The following SAMD5 variants were observed in gnomAD, a reference collection of about 807,000 sequenced individuals.
SAMD5 encodes the protein sterile alpha motif domain containing 5.
In SAMD5, 13 loss-of-function variants were observed where a neutral mutation model predicts 11.3. The ratio of observed to expected loss-of-function variants is 1.15; its 90% CI spans 0.75 to 1.83. SAMD5 has a LOEUF of 1.83. Among genes scored for constraint, SAMD5 ranks in the 40% most tolerant of loss-of-function variants. The pLI, the probability that SAMD5 is intolerant of heterozygous loss-of-function variation, is 0.00. For synonymous variants in SAMD5, 129 were observed against 111.3 expected (o/e 1.16, Z -1.00); for missense variants, 255 against 239.1 (o/e 1.07, Z -0.44).
chr6:147,654,355 A>G (rs775984653), intron 1 of SAMD5, among the ~76,000 whole-genome samples: 6 of 152,066 alleles, frequency 3.9e-5, no homozygotes, highest in Non-Finnish European at 8.8e-5. Flanking sequence ...TAAAAGTATG[A>G]ATTTCTCCGC....
chr6:147,722,020 T>A (rs141898130), intron 1 of SAMD5, among the ~76,000 whole-genome samples: 2 of 152,286 alleles, frequency 1.3e-5, no homozygotes, highest in African/African-American at 4.8e-5. Flanking sequence ...AAGAAAAAAA[T>A]ATGCTTGGTA....
the SAMD5 span, among the ~76,000 whole-genome samples, chr6:147,816,019 C>T: frequency 2.0e-5 from 3 of 151,940 alleles, no homozygotes; most frequent in Non-Finnish European, 4.4e-5. Context: ...GTGGCTCACG[C>T]CTGTAATCCC....
intron 1 of SAMD5, among the ~76,000 whole-genome samples, chr6:147,619,966 T>A (rs1224548992): frequency 1.3e-5 from 2 of 152,242 alleles, no homozygotes; most frequent in Non-Finnish European, 2.9e-5. Flanking sequence ...TTATGGTTAA[T>A]GACTTAGTGA....
chr6:147,661,868 AT>A (rs1162597840), intron 1 of SAMD5, among the ~76,000 whole-genome samples: 6 of 152,064 alleles, frequency 3.9e-5, no homozygotes, highest in Non-Finnish European at 7.4e-5. Flanking sequence ...TGACCTCATG[AT>A]TTGCCCACCT....
the SAMD5 span, among the ~76,000 whole-genome samples, chr6:147,760,306 G>A: frequency 6.6e-6 from 1 of 152,092 alleles, no homozygotes; most frequent in Non-Finnish European, 1.5e-5. Flanking sequence ...CCTAACAATA[G>A]TTTTGTATGA....
intron 1 of SAMD5, among the ~76,000 whole-genome samples, chr6:147,634,962 G>T (rs1035458333): frequency 2.6e-5 from 4 of 152,104 alleles, no homozygotes; most frequent in Non-Finnish European, 2.9e-5. Flanking sequence ...TTTGCCTGAA[G>T]AAGAAGGCTC....
chr6:147,661,774 C>T (rs929692384), intron 1 of SAMD5, among the ~76,000 whole-genome samples: 1 of 152,212 alleles, frequency 6.6e-6, no homozygotes, highest in East Asian at 1.9e-4. Context: ...AGATTACAGG[C>T]GCCTGCCACC....
chr6:147,586,690 A>T (rs34835938), intron 1 of SAMD5, among the ~76,000 whole-genome samples: 17,284 of 151,578 alleles, frequency 0.11, 1,239 homozygotes, highest in East Asian at 0.29. Flanking sequence ...AATAACAAAA[A>T]GATATAAATA....
At chr6:147,758,759 C>G in the SAMD5 span, among the ~76,000 whole-genome samples, 7 of 152,064 alleles carry the variant, frequency 4.6e-5, no homozygotes, top group Non-Finnish European at 1.0e-4. Flanking sequence ...GTGATCTGAC[C>G]TCACTTCCTG....
the SAMD5 span, among the ~76,000 whole-genome samples, chr6:147,933,709 T>C: frequency 6.7e-6 from 1 of 149,480 alleles, no homozygotes; most frequent in Non-Finnish European, 1.5e-5. Context: ...ATATCTAGCA[T>C]TAAAAACAAC....
the SAMD5 span, among the ~76,000 whole-genome samples, chr6:147,783,847 A>G: frequency 2.6e-5 from 4 of 152,278 alleles, no homozygotes; most frequent in South Asian, 4.1e-4. Context: ...AATTTTCTCT[A>G]TCGAGCTACT....
chr6:147,730,074 CAA>C (rs34624038), intron 1 of SAMD5: 3,545 of 299,556 alleles, frequency 0.012, no homozygotes, highest in South Asian at 0.018. Flanking sequence ...GACTCTGTCT[CAA>C]AAAAAAAAAA....
At chr6:147,857,826 A>G in the SAMD5 span, among the ~76,000 whole-genome samples, 1 of 152,240 alleles carries the variant, frequency 6.6e-6, no homozygotes, top group East Asian at 1.9e-4. Context: ...ATTTTCCATG[A>G]AGTTTACAGC....
chr6:147,526,220 A>G (rs555513495), intron 1 of SAMD5, among the ~76,000 whole-genome samples: 1 of 152,314 alleles, frequency 6.6e-6, no homozygotes, highest in South Asian at 2.1e-4. Context: ...TGTGAGTTTC[A>G]TATTTGTGTT....
At position 147,510,061 on chromosome 6, in the gene SAMD5, C is replaced by T. The variant is rs554581664; in HGVS notation, c.459+674C>T. Among the ~76,000 whole-genome samples the T allele has an allele frequency of 1.7e-3, 260 of 152,264 alleles. 1 individual carries two copies. Among genetic ancestry groups the T allele is most frequent in the African/African-American group, 5.8e-3 (243 of 41,552 alleles). On this transcript the variant is annotated intron_variant, in intron 1 of 1. Coordinates refer to ENST00000367474, the MANE Select transcript of SAMD5 (RefSeq NM_001030060.3). ...GATAATCGGGCCACAGGATGTGCTT[C>T]AGAGGTCTGGGCTGTCACGAGTTTG...
At chr6:147,912,949 C>T in the SAMD5 span, among the ~76,000 whole-genome samples, 1 of 151,428 alleles carries the variant, frequency 6.6e-6, no homozygotes, top group Non-Finnish European at 1.5e-5. Context: ...TGGTTATCCT[C>T]AAGGAGTGGG....
the SAMD5 span, among the ~76,000 whole-genome samples, chr6:147,886,425 A>G: frequency 6.6e-6 from 1 of 152,150 alleles, no homozygotes; most frequent in Non-Finnish European, 1.5e-5. Flanking sequence ...GTTGCTATGA[A>G]GAAGAGGAGA....
At chr6:147,939,028 G>A in the SAMD5 span, among the ~76,000 whole-genome samples, 2 of 152,086 alleles carry the variant, frequency 1.3e-5, no homozygotes, top group African/African-American at 2.4e-5. Flanking sequence ...GCAAAGTCTG[G>A]GGTTCCCACA....
chr6:147,678,192 C>T (rs889699424), intron 1 of SAMD5, among the ~76,000 whole-genome samples: 2 of 152,146 alleles, frequency 1.3e-5, no homozygotes, highest in African/African-American at 2.4e-5. Context: ...TTAAAGCACA[C>T]GTACTCACTT....
Sources: allele counts gnomAD v4.1 joint callset (sites outside exome capture counted in the v4.1 genomes callset), GRCh38; gene constraint gnomAD v4.1.1; transcripts MANE v1.5; gene names NCBI Gene and HGNC (gene_info 2026-07-23, HGNC 2026-07-21).